CACNB1: variants seen among roughly 807,000 people sequenced by gnomAD.
CACNB1 encodes the protein calcium voltage-gated channel auxiliary subunit beta 1.
A neutral mutation model predicts 71.6 loss-of-function variants in CACNB1; 29 were observed. The observed-to-expected ratio is 0.40, with a 90% CI of 0.30 to 0.55. CACNB1 has a LOEUF of 0.55. Ranked by LOEUF, CACNB1 falls within the 20% of genes least tolerant of loss-of-function variation. The pLI is 0.38. For synonymous variants in CACNB1, 300 were observed against 319.6 expected, an observed-to-expected ratio of 0.94 and a Z score of 0.65; for missense variants, 623 against 801.8, an observed-to-expected ratio of 0.78 and a Z score of 2.69.
Position 39,175,175 on chromosome 17 carries a change from C to T in CACNB1, c.*18G>A, listed in dbSNP as rs1026033232. The T allele has an allele frequency of 1.3e-6, 2 of 1,585,702 alleles. No homozygotes were observed. Among genetic ancestry groups the T allele is most frequent in the African/African-American group, 2.7e-5 (2 of 74,354 alleles). ...CCTGGGCTCAGAGCCCTTCCTCCCG[C>T]CGTGTGGCCCCTGCCTCTCAGCGAA... On this transcript the variant is annotated 3_prime_UTR_variant, in exon 14 of 14. Coordinates refer to ENST00000394303, the MANE Select transcript of CACNB1 (RefSeq NM_000723.5). This position sits in a 1 kb window ranked among gnomAD's most constrained non-coding sequence, Gnocchi z 4.7.
In CACNB1 at chr17:39,175,183, C is replaced by T. The variant is rs376577034; in HGVS notation, c.*10G>A. On this transcript the variant is annotated 3_prime_UTR_variant, in exon 14 of 14. Coordinates refer to ENST00000394303, the MANE Select transcript of CACNB1 (RefSeq NM_000723.5). This position sits in a 1 kb window ranked among gnomAD's most constrained non-coding sequence, Gnocchi z 4.7. The stretch of plus-strand genomic sequence containing the variant: ...CAGAGCCCTTCCTCCCGCCGTGTGG[C>T]CCCTGCCTCTCAGCGAATGTAGACG... The T allele has an allele frequency of 1.7e-5, 27 of 1,598,402 alleles. 1 individual carries two copies. The East Asian group carries it at 4.5e-4, about 26-fold the overall frequency.
At position 39,197,565 on chromosome 17, in the gene CACNB1, G is replaced by A; in HGVS notation, c.-70C>T. Reference sequence around the variant, plus strand: ...TCCCTCAGCGCATGGGAGAGGCCGTGGGAGCCGAAAGCAGCGCGGCGCAGC... The same window carrying A: ...TCCCTCAGCGCATGGGAGAGGCCGTAGGAGCCGAAAGCAGCGCGGCGCAGC... On this transcript the variant is annotated 5_prime_UTR_variant, in exon 1 of 14. Coordinates refer to ENST00000394303, the MANE Select transcript of CACNB1 (RefSeq NM_000723.5). 1.6e-6 allele frequency: 2 copies of A among 1,235,858 alleles called. No individual in the cohort carries two copies. The highest frequency in any genetic ancestry group is 1.5e-5 in the South Asian group (1 of 66,486). 76.6% of individuals were successfully genotyped at this position (1,235,858 alleles called of 1,614,324 possible).
chr17:39,177,612 C>T, intron 12 of CACNB1, 77 bp from the exon 13 acceptor site: 1 of 1,185,962 alleles, frequency 8.4e-7, no homozygotes, highest in Non-Finnish European at 1.2e-6. Flanking sequence ...GGCCTGGGTG[C>T]AGTGGGTAGA....
intron 6 of CACNB1, among the ~76,000 whole-genome samples, chr17:39,185,361 A>G (rs1425287032): frequency 6.6e-6 from 1 of 152,066 alleles, no homozygotes; most frequent in Non-Finnish European, 1.5e-5. Flanking sequence ...GTGGCCCTGG[A>G]TCAGGGCTGG....
intron 3 of CACNB1, among the ~76,000 whole-genome samples, 188 bp downstream of exon 3, chr17:39,191,286 C>CTTATTATAT (rs2046074246): frequency 6.6e-6 from 1 of 152,042 alleles, no homozygotes; most frequent in Non-Finnish European, 1.5e-5. Context: ...ACTTATTATA[C>CTTATTATAT]TTATTATACT....
Position 39,177,463 on chromosome 17 carries a change from C to T in CACNB1, c.1219G>A (p.Ala407Thr), listed in dbSNP as rs200893020. 1.1e-5 allele frequency: 18 copies of T among 1,612,086 alleles called. No homozygotes were observed. The highest frequency in any genetic ancestry group is 1.5e-5 in the Non-Finnish European group (18 of 1,178,528). ...GGCGGGTGTGTGGCCTTCCAATAGG[C>T]TTCCAAGTACTCCGCCAGATGCTCG... ...ACEHLAEYLE[A>T]YWKATHPPSS... The change falls in exon 13 of 14, where the codon GCC becomes ACC. Residue 407 changes from alanine to threonine, a missense_variant. Coordinates refer to ENST00000394303, the MANE Select transcript of CACNB1 (RefSeq NM_000723.5).
In CACNB1 at chr17:39,186,243, TG is replaced by T; in HGVS notation, c.628+252del. 1.4e-6 allele frequency: 1 copy of T among 711,958 alleles called. No individual in the cohort carries two copies. The highest frequency in any genetic ancestry group is 2.4e-6 in the Non-Finnish European group (1 of 419,494). 44.1% of individuals were successfully genotyped at this position (711,958 alleles called of 1,614,324 possible). On this transcript the variant is annotated intron_variant, in intron 6 of 13. Transcript: ENST00000394303. The surrounding 1 kb of genome is among the most constrained non-coding windows in gnomAD (Gnocchi z 4.1). Reference sequence around the variant, plus strand: ...GAAGAAGAGGTGAATGGAACAGGGCTGGGAGAAATGAATGGGGGCAGGGCAG... The same window carrying T: ...GAAGAAGAGGTGAATGGAACAGGGCTGGAGAAATGAATGGGGGCAGGGCAG...
At chr17:39,182,117 A>C (rs1169912448) in intron 11 of CACNB1, among the ~76,000 whole-genome samples, 1 of 151,244 alleles carries the variant, frequency 6.6e-6, no homozygotes, top group Non-Finnish European at 1.5e-5. Context: ...GCAAGATCGC[A>C]CCACTACACT....
chr17:39,182,451 A>C (rs1300136456), intron 11 of CACNB1, among the ~76,000 whole-genome samples: 4 of 151,986 alleles, frequency 2.6e-5, no homozygotes, highest in Non-Finnish European at 5.9e-5. Context: ...CTGTAATCCC[A>C]GCACTTTGGG....
At chr17:39,185,378 G>A (rs1156877379) in intron 6 of CACNB1, among the ~76,000 whole-genome samples, 1 of 152,042 alleles carries the variant, frequency 6.6e-6, no homozygotes, top group African/African-American at 2.4e-5. Context: ...CTGGGAGCAG[G>A]ACTGACAGTC....
At chr17:39,182,878 A>G in intron 11 of CACNB1, 1 of 825,052 alleles carries the variant, frequency 1.2e-6, no homozygotes, top group Non-Finnish European at 1.5e-6. Flanking sequence ...CAAGTTCAAT[A>G]AAAAACAACC....
intron 1 of CACNB1, among the ~76,000 whole-genome samples, chr17:39,196,702 A>T: frequency 7.2e-6 from 1 of 138,600 alleles, no homozygotes; most frequent in Non-Finnish European, 1.5e-5. Flanking sequence ...GGAGAAGTAG[A>T]CCCCTCCCCC....
At chr17:39,189,882 C>T (rs1597711013) in intron 3 of CACNB1, among the ~76,000 whole-genome samples, 1 of 151,150 alleles carries the variant, frequency 6.6e-6, no homozygotes, top group South Asian at 2.1e-4. Flanking sequence ...GAGGCCGAGG[C>T]AGGCAGATCA....
intron 2 of CACNB1, chr17:39,192,423 GCTT>G (rs1353552311): frequency 1.3e-5 from 2 of 152,472 alleles, no homozygotes; most frequent in Non-Finnish European, 2.9e-5. Context: ...GAATGCACGT[GCTT>G]CTTCATGTGT....
At chr17:39,178,353 G>C in intron 11 of CACNB1, 1 of 271,396 alleles carries the variant, frequency 3.7e-6, no homozygotes. Flanking sequence ...CTCTAACATT[G>C]TTTGTAGGCC....
rs552933018 is a variant in CACNB1 at position 39,191,586 on chromosome 17, G to A, written c.179C>T (p.Ala60Val). The change falls in exon 3 of 14, where the codon GCG (alanine) becomes GTG (valine). Residue 60 changes from alanine (A) to valine (V), a missense_variant. Coordinates refer to ENST00000394303, the MANE Select transcript of CACNB1 (RefSeq NM_000723.5). ...TGATGGACGGCTGGTGTAGGACTCC[G>A]CTGAGCCCTGAAAATAGAGAGAGCC... ...TSNSFVRQGS[A>V]ESYTSRPSDS... 78 of 1,608,854 alleles carry A rather than the reference G, an allele frequency of 4.8e-5. No homozygotes were observed. The East Asian group carries it at 1.3e-3, about 27-fold the overall frequency.
chr17:39,181,774 A>C (rs2045770778), intron 11 of CACNB1, among the ~76,000 whole-genome samples: 2 of 151,976 alleles, frequency 1.3e-5, no homozygotes, highest in Admixed American at 1.3e-4. Context: ...CCCAGCACTT[A>C]GGGAGGCTGA....
In CACNB1 at chr17:39,184,815, A is replaced by G. The variant is rs536636143; in HGVS notation, c.698T>C (p.Ile233Thr). Residue 233 changes from isoleucine (I) to threonine (T), a missense_variant, in exon 8 of 14, where the codon ATC becomes ACC. By Grantham distance (89) the Ile-to-Thr change is moderately conservative. Transcript: ENST00000394303. ...GCCCTTGAGCGACGGTCCCACCAGG[A>G]TGATGGGCCTCATGGAAGGCACCAC... ...YDVVPSMRPI[I>T]LVGPSLKGYE... 16 of 1,611,710 alleles carry G rather than the reference A, an allele frequency of 9.9e-6. No homozygotes were observed. The highest frequency in any genetic ancestry group is 8.3e-5 in the Admixed American group (5 of 59,892).
intron 2 of CACNB1, chr17:39,193,106 G>A (rs776519083): frequency 8.5e-5 from 18 of 212,566 alleles, no homozygotes; most frequent in Non-Finnish European, 1.3e-4. Flanking sequence ...GCATACGCGC[G>A]CACACACTCA....
Sources: gnomAD v4.1 joint callset for allele counts (sites outside exome capture counted in the v4.1 genomes callset) on GRCh38, gnomAD v4.1.1 for gene constraint, Gnocchi (gnomAD v3.1) non-coding constraint, MANE v1.5 for transcripts, NCBI Gene and HGNC (gene_info 2026-07-23, HGNC 2026-07-21) for gene names.